Variants in TSGA10IP observed in about 807,000 individuals in gnomAD.
The protein encoded by TSGA10IP is testis-specific protein 10-interacting protein.
A neutral mutation model predicts 63.2 loss-of-function variants in TSGA10IP; 64 were observed. The observed-to-expected ratio is 1.01, with a 90% CI of 0.83 to 1.25. The LOEUF (loss-of-function observed/expected upper bound fraction) is 1.25, where lower values mean the gene tolerates loss of function less well. Among genes scored for constraint, TSGA10IP ranks in the 50% most tolerant of loss-of-function variants. The pLI, the probability that TSGA10IP is intolerant of heterozygous loss-of-function variation, is 0.00. For missense variants in TSGA10IP, 681 were observed against 710.1 expected (o/e 0.96, Z 0.47); for synonymous variants, 316 against 298.3 (o/e 1.06, Z -0.61).
Position 65,948,031 on chromosome 11 carries a change from G to A in TSGA10IP, c.1034G>A (p.Arg345Lys), listed in dbSNP as rs367899154. The A allele has an allele frequency of 5.7e-6, 9 of 1,566,228 alleles. No homozygotes were observed. In the African/African-American group the frequency reaches 1.1e-4, roughly 19 times the overall value. ...CAAAAGCTGCCCTGGAAGACTTTGA[G>A]GGCTGCCTTCCAGGCCTCCAAGCGG... is the stretch of plus-strand genomic sequence containing the variant. Residue 345 changes from arginine to lysine, a missense_variant, in exon 4 of 8, where the codon AGG (arginine) becomes AAG (lysine). Coordinates refer to ENST00000532620, the Ensembl canonical transcript of TSGA10IP.
chr11:65,957,174 C>A (rs754066577), intron 5 of TSGA10IP, among the ~76,000 whole-genome samples: 1 of 152,162 alleles, frequency 6.6e-6, no homozygotes, highest in African/African-American at 2.4e-5. Context: ...TTTTTTGAGA[C>A]AAAGTCTCGC....
intron 5 of TSGA10IP, among the ~76,000 whole-genome samples, chr11:65,957,922 T>C (rs1372059951): frequency 6.6e-6 from 1 of 152,222 alleles, no homozygotes; most frequent in Non-Finnish European, 1.5e-5. Context: ...CTCAAGTTTG[T>C]CAAACAGACA....
At position 65,947,107 on chromosome 11, in the gene TSGA10IP, C is replaced by T. The variant is rs1229139525; in HGVS notation, c.285-3C>T. On this transcript the variant is annotated splice_polypyrimidine_tract_variant and splice_region_variant and intron_variant, in intron 2 of 7. Transcript: ENST00000532620. The stretch of plus-strand genomic sequence containing the variant: ...CCCTGACCCCCACCCTTTCCTTCTT[C>T]AGTCACTTCCCGCTTCTTCCTCGGA... The T allele has an allele frequency of 6.2e-7, 1 of 1,609,500 alleles. No individual in the cohort carries two copies. The highest frequency in any genetic ancestry group is 1.3e-5 in the African/African-American group (1 of 74,950).
At chr11:65,955,881 G>T (rs1010211326) in intron 5 of TSGA10IP, among the ~76,000 whole-genome samples, 1 of 152,110 alleles carries the variant, frequency 6.6e-6, no homozygotes, top group Non-Finnish European at 1.5e-5. Context: ...CAAATCCTCC[G>T]CTTTTAGACG....
intron 1 of TSGA10IP, 55 bp downstream of exon 1, chr11:65,945,877 G>A: frequency 6.3e-7 from 1 of 1,591,792 alleles, no homozygotes. Context: ...GTGGGTCAGG[G>A]AGGCCTGGGC....
At chr11:65,955,612 C>CAA (rs112447996) in intron 5 of TSGA10IP, among the ~76,000 whole-genome samples, 1 of 122,432 alleles carries the variant, frequency 8.2e-6, no homozygotes, top group Non-Finnish European at 1.8e-5. Context: ...GACTCCGTTT[C>CAA]AAAAAAAAAA....
Position 65,947,029 on chromosome 11 carries a change from G to C in TSGA10IP, c.284+13G>C. 1 of 1,613,912 alleles carries C rather than the reference G, an allele frequency of 6.2e-7. No homozygotes were observed. Among genetic ancestry groups the C allele is most frequent in the East Asian group, 2.2e-5 (1 of 44,884 alleles). ...AAGAGTCTGAAGAGTAAGCAGCAGTGGGATGGGTCAGGAGGCTGTTGGGGG... is the reference window on the plus strand; with the variant it reads ...AAGAGTCTGAAGAGTAAGCAGCAGTCGGATGGGTCAGGAGGCTGTTGGGGG... On this transcript the variant is annotated intron_variant, in intron 2 of 7. Coordinates refer to ENST00000532620, the Ensembl canonical transcript of TSGA10IP.
At chr11:65,956,030 AC>A (rs1417045438) in intron 5 of TSGA10IP, among the ~76,000 whole-genome samples, 1 of 151,568 alleles carries the variant, frequency 6.6e-6, no homozygotes. Flanking sequence ...CTTTTTCTGC[AC>A]CCTGTCTCCT....
intron 4 of TSGA10IP, 93 bp from the exon 5 acceptor site, chr11:65,953,474 A>T (rs1455307346): frequency 8.3e-6 from 12 of 1,449,894 alleles, no homozygotes; most frequent in African/African-American, 1.5e-5. Context: ...GCCCCTCCCC[A>T]CAGGCTTCCA....
intron 4 of TSGA10IP, among the ~76,000 whole-genome samples, chr11:65,950,842 G>A (rs1211624107): frequency 5.3e-5 from 8 of 152,198 alleles, no homozygotes; most frequent in African/African-American, 1.4e-4. Context: ...GATTACAGGC[G>A]TGAGCCACCA....
exon 1 of TSGA10IP, chr11:65,945,728 C>A: frequency 6.2e-7 from 1 of 1,610,752 alleles, no homozygotes; most frequent in Non-Finnish European, 8.5e-7. Context: ...GTTAGGACCC[C>A]GTCGGTGCGA....
At chr11:65,958,407 A>G (rs964742756) in intron 5 of TSGA10IP, among the ~76,000 whole-genome samples, 3 of 152,098 alleles carry the variant, frequency 2.0e-5, no homozygotes, top group Non-Finnish European at 4.4e-5. Context: ...AGCTTGTCCG[A>G]TCCCTACTAT....
intron 4 of TSGA10IP, among the ~76,000 whole-genome samples, chr11:65,949,000 A>G (rs746793580): frequency 1.3e-5 from 2 of 150,932 alleles, no homozygotes; most frequent in Non-Finnish European, 3.0e-5. Flanking sequence ...CGAACAAAAA[A>G]CCCAGCCTGG....
chr11:65,945,826 A>T lies in TSGA10IP; in HGVS notation c.147+4A>T. 1.2e-6 allele frequency: 2 copies of T among 1,613,386 alleles called. No individual in the cohort carries two copies. The highest frequency in any genetic ancestry group is 2.2e-5 in the South Asian group (2 of 91,024). ...GACCGTCTCTCAGGACAAGCAGGTG[A>T]GGGAGGCCCAGTGAGGACACTTCCA... On this transcript the variant is annotated splice_donor_region_variant and intron_variant, in intron 1 of 7. Coordinates refer to ENST00000532620, the Ensembl canonical transcript of TSGA10IP.
At chr11:65,957,572 G>A (rs1284173672) in intron 5 of TSGA10IP, among the ~76,000 whole-genome samples, 1 of 152,118 alleles carries the variant, frequency 6.6e-6, no homozygotes, top group Non-Finnish European at 1.5e-5. Context: ...TTGTGTTCCG[G>A]GCCATGGGTT....
intron 5 of TSGA10IP, among the ~76,000 whole-genome samples, chr11:65,955,623 AAAAG>A (rs1855011194): frequency 6.6e-6 from 1 of 151,994 alleles, no homozygotes; most frequent in African/African-American, 2.4e-5. Flanking sequence ...AAAAAAAAAA[AAAAG>A]AGTTAGGTGC....
chr11:65,952,423 TGTGTGTGTGTGTG>T lies in TSGA10IP; in HGVS notation c.1152-1130_1152-1118del, dbSNP rs963299049. ...GTGTCGTTAAGCTTTCTTTTGTGTG[TGTGTGTGTGTGTG>T]GTGTGTGTGTGTGTATGTGTCTGTG... is the stretch of plus-strand genomic sequence containing the variant. On this transcript the variant is annotated intron_variant, in intron 4 of 7. Transcript: ENST00000532620. Among the ~76,000 whole-genome samples, 8 of 151,904 alleles carry T rather than the reference TGTGTGTGTGTGTG, an allele frequency of 5.3e-5. No homozygotes were observed. In the East Asian group the frequency reaches 7.7e-4, roughly 15 times the overall value.
exon 3 of TSGA10IP, chr11:65,947,159 T>G: frequency 6.2e-7 from 1 of 1,611,270 alleles, no homozygotes; most frequent in Non-Finnish European, 8.5e-7. Flanking sequence ...CCAGTGGGCC[T>G]GGGAGAGCAT....
In TSGA10IP at chr11:65,947,822, G is replaced by A. The variant is rs758501326; in HGVS notation, c.997G>A (p.Asp333Asn). 3 of 1,556,016 alleles carry A rather than the reference G, an allele frequency of 1.9e-6. No homozygotes were observed. The African/African-American group carries it at 4.1e-5, about 21-fold the overall frequency. The change falls in exon 3 of 8, where the codon GAC (aspartate) becomes AAC (asparagine). Residue 333 changes from aspartate to asparagine, a missense_variant. Transcript: ENST00000532620. Reference sequence around the variant, plus strand: ...GCACAGGCAGCTACAGAGAGACCTGGACTGTGGTGAGCGTGGGGCTCAGAG... The same window carrying A: ...GCACAGGCAGCTACAGAGAGACCTGAACTGTGGTGAGCGTGGGGCTCAGAG...
Sources: gnomAD v4.1 joint callset for allele counts (sites outside exome capture counted in the v4.1 genomes callset) on GRCh38, gnomAD v4.1.1 for gene constraint, MANE v1.5 for transcripts, NCBI Gene and HGNC (gene_info 2026-07-23, HGNC 2026-07-21) for gene names.